SLC41A3: variants seen among roughly 807,000 people sequenced by gnomAD.
SLC41A3 encodes solute carrier family 41 member 3.
SLC41A3 carries 44 observed loss-of-function variants against 45.4 expected under a neutral mutation model. That is an observed-to-expected ratio of 0.97 (90% CI 0.76 to 1.25). The LOEUF (loss-of-function observed/expected upper bound fraction) is 1.25, where lower values mean the gene tolerates loss of function less well. SLC41A3 is among the 50% of genes most tolerant of loss of function. The probability of loss-of-function intolerance (pLI) is 0.00; values close to 1 mark genes in which losing one functional copy is unlikely to be tolerated. For synonymous variants in SLC41A3, 256 were observed against 252.4 expected (o/e 1.01, Z -0.13); for missense variants, 550 against 600.6 (o/e 0.92, Z 0.88).
At chr3:126,063,325 C>CCAA (rs1559874029) in intron 2 of SLC41A3, among the ~76,000 whole-genome samples, 1 of 152,032 alleles carries the variant, frequency 6.6e-6, no homozygotes, top group African/African-American at 2.4e-5. Flanking sequence ...TCTTGGCTAC[C>CCAA]CAAGGCCCCT....
At chr3:126,095,807 G>A (rs1945588552) in intron 1 of SLC41A3, among the ~76,000 whole-genome samples, 1 of 152,188 alleles carries the variant, frequency 6.6e-6, no homozygotes, top group Non-Finnish European at 1.5e-5. Context: ...TATTTAGCTT[G>A]AATTGCACCT....
chr3:126,027,320 T>C (rs1009702560), intron 4 of SLC41A3, among the ~76,000 whole-genome samples: 8 of 143,912 alleles, frequency 5.6e-5, no homozygotes, highest in African/African-American at 2.1e-4. Context: ...TTCTGGTTAT[T>C]TAAAAGTGTG....
chr3:126,098,791 C>A (rs1945651773), intron 1 of SLC41A3, among the ~76,000 whole-genome samples: 1 of 152,246 alleles, frequency 6.6e-6, no homozygotes, highest in African/African-American at 2.4e-5. Context: ...GTGCCAGCAG[C>A]CTTAGTCCAG....
At chr3:126,021,550 C>T (rs11925965) in intron 6 of SLC41A3, among the ~76,000 whole-genome samples, 43,491 of 152,046 alleles carry the variant, frequency 0.29, 6,365 homozygotes, top group African/African-American at 0.33. Context: ...CTTAGAGGGA[C>T]GGTTTTATGC....
intron 2 of SLC41A3, among the ~76,000 whole-genome samples, chr3:126,061,756 G>A (rs933854298): frequency 1.3e-5 from 2 of 151,996 alleles, no homozygotes; most frequent in African/African-American, 2.4e-5. Context: ...GAGGACACCT[G>A]GCCAGCTCTC....
intron 2 of SLC41A3, among the ~76,000 whole-genome samples, chr3:126,060,284 T>C (rs1347140391): frequency 6.6e-6 from 1 of 152,152 alleles, no homozygotes; most frequent in Non-Finnish European, 1.5e-5. Context: ...CTGGGCGTGG[T>C]GGCGCATGCC....
Position 126,039,745 on chromosome 3 carries a change from T to G in SLC41A3, c.382-6067A>C, listed in dbSNP as rs76670212. On this transcript the variant is annotated intron_variant, in intron 3 of 10. Coordinates refer to ENST00000360370, the MANE Select transcript of SLC41A3 (RefSeq NM_017836.4). Reference sequence around the variant, plus strand: ...AAACAACCAGACAATCCACACATATTTAAAAGAGATACTTTGAGGCTATGC... The same window carrying G: ...AAACAACCAGACAATCCACACATATGTAAAAGAGATACTTTGAGGCTATGC... Among the ~76,000 whole-genome samples, 720 of 152,348 alleles carry G rather than the reference T, an allele frequency of 4.7e-3. 4 individuals carry two copies. The highest frequency in any genetic ancestry group is 6.5e-3 in the Non-Finnish European group (439 of 68,034).
At chr3:126,070,267 C>G (rs1009823495) in intron 1 of SLC41A3, 2 of 152,224 alleles carry the variant, frequency 1.3e-5, no homozygotes. Flanking sequence ...AGAAGGTGAG[C>G]GGCTCCCGGC....
At position 126,006,359 on chromosome 3, in the gene SLC41A3, A is replaced by T. The variant is rs1939091548; in HGVS notation, c.*657T>A. ...ACTATCTTTAAAGACATAAAGGGTC[A>T]AGTACAATATAATCTGTTTTATTTT... On this transcript the variant is annotated 3_prime_UTR_variant, in exon 11 of 11. Coordinates refer to ENST00000360370, the MANE Select transcript of SLC41A3 (RefSeq NM_017836.4). 4 of 1,558,634 alleles carry T rather than the reference A, an allele frequency of 2.6e-6. No homozygotes were observed. The South Asian group carries it at 3.5e-5, about 14-fold the overall frequency.
rs762115532 is a variant in SLC41A3, at chr3:126,050,954, G to A, written c.370C>T (p.Leu124Phe). 1.2e-6 allele frequency: 2 copies of A among 1,612,464 alleles called. No individual in the cohort carries two copies. The highest frequency in any genetic ancestry group is 2.2e-5 in the East Asian group (1 of 44,864). The part of the protein sequence containing the change: ...GNLEMTLASR[L>F]STAANTGQID... ...AGGTGTCCACTTACAGCTGTGGAGAGTCTGGATGCCAGTGTCATCTCCAGG... is the reference window on the plus strand; with the variant it reads ...AGGTGTCCACTTACAGCTGTGGAGAATCTGGATGCCAGTGTCATCTCCAGG... Residue 124 changes from leucine (L) to phenylalanine (F), a missense_variant, in exon 3 of 11, where the codon CTC becomes TTC. Coordinates refer to ENST00000360370, the MANE Select transcript of SLC41A3 (RefSeq NM_017836.4).
intron 1 of SLC41A3, among the ~76,000 whole-genome samples, chr3:126,091,260 A>G (rs1333215801): frequency 6.6e-6 from 1 of 152,216 alleles, no homozygotes; most frequent in Non-Finnish European, 1.5e-5. Context: ...TTATTTTGCC[A>G]AGGTTAAAGA....
chr3:126,023,073 TC>T, intron 5 of SLC41A3, 141 bp from the exon 6 acceptor site: 1 of 1,157,348 alleles, frequency 8.6e-7, no homozygotes, highest in Non-Finnish European at 1.2e-6. Flanking sequence ...CTTGCCTCCC[TC>T]CACAAAGTCC....
intron 2 of SLC41A3, among the ~76,000 whole-genome samples, chr3:126,067,314 C>T (rs934758433): frequency 5.3e-5 from 8 of 152,136 alleles, no homozygotes; most frequent in Admixed American, 3.3e-4. Context: ...TGCAAAAATT[C>T]GTATGTTGAA....
At chr3:126,019,099 G>C (rs1940597202) in intron 6 of SLC41A3, among the ~76,000 whole-genome samples, 1 of 152,202 alleles carries the variant, frequency 6.6e-6, no homozygotes, top group Non-Finnish European at 1.5e-5. Context: ...AGGTTGAGAG[G>C]CTGCCTCTGG....
chr3:126,085,792 C>T (rs1400106411), upstream of SLC41A3, among the ~76,000 whole-genome samples: 1 of 141,708 alleles, frequency 7.1e-6, no homozygotes, highest in Non-Finnish European at 1.5e-5. Context: ...AAACGTGCTC[C>T]TGGGTGACTG....
In SLC41A3 at chr3:126,013,960, C is replaced by T. The variant is rs374703563; in HGVS notation, c.971-1211G>A. Among the ~76,000 whole-genome samples, 46 of 152,272 alleles carry T rather than the reference C, an allele frequency of 3.0e-4. No homozygotes were observed. In the East Asian group the frequency reaches 7.0e-3, roughly 23 times the overall value. ...ACACCAGGGCTTCCTGCTGAGACTC[C>T]GGGATCCCACAGGGTATGAAAAAGG... On this transcript the variant is annotated intron_variant, in intron 8 of 10. Coordinates refer to ENST00000360370, the MANE Select transcript of SLC41A3 (RefSeq NM_017836.4).
At chr3:126,085,743 C>T (rs907149327), upstream of SLC41A3, among the ~76,000 whole-genome samples, 3 of 151,966 alleles carry the variant, frequency 2.0e-5, no homozygotes, top group African/African-American at 7.3e-5. Context: ...ACTGAGTTTT[C>T]TCAACTCCAA....
chr3:126,074,607 G>T (rs1366900381), intron 1 of SLC41A3, among the ~76,000 whole-genome samples: 2 of 151,942 alleles, frequency 1.3e-5, no homozygotes, highest in Non-Finnish European at 2.9e-5. Flanking sequence ...TAGGACTGGA[G>T]GACGCAGGTC....
intron 3 of SLC41A3, among the ~76,000 whole-genome samples, chr3:126,035,423 CAGG>C (rs751580202): frequency 1.3e-5 from 2 of 152,208 alleles, no homozygotes. Flanking sequence ...ACAGGAGCCA[CAGG>C]AGCTGCGGGT....
Sources: gnomAD v4.1 joint callset for allele counts (sites outside exome capture counted in the v4.1 genomes callset) on GRCh38, gnomAD v4.1.1 for gene constraint, MANE v1.5 for transcripts, NCBI Gene and HGNC (gene_info 2026-07-23, HGNC 2026-07-21) for gene names.